Variants in GABRB3 observed in about 807,000 individuals in gnomAD.
GABRB3 encodes gamma-aminobutyric acid receptor subunit beta-3.
A neutral mutation model predicts 52.1 loss-of-function variants in GABRB3; 14 were observed. The observed-to-expected ratio is 0.27, with a 90% CI of 0.18 to 0.42. The LOEUF is 0.42. GABRB3 is among the 10% of genes least tolerant of loss of function. The pLI is 1.00. For synonymous variants in GABRB3, 260 were observed against 232.3 expected, an observed-to-expected ratio of 1.12 and a Z score of -1.08; for missense variants, 307 against 609.1, an observed-to-expected ratio of 0.50 and a Z score of 5.22.
At chr15:26,731,253 C>A (rs1369921447) in intron 3 of GABRB3, among the ~76,000 whole-genome samples, 4 of 152,110 alleles carry the variant, frequency 2.6e-5, no homozygotes, top group East Asian at 1.9e-4. Flanking sequence ...AAATAAACAT[C>A]ATGAAGAAAA....
intron 8 of GABRB3, among the ~76,000 whole-genome samples, chr15:26,556,287 T>C (rs1394549030): frequency 6.6e-6 from 1 of 152,184 alleles, no homozygotes; most frequent in Non-Finnish European, 1.5e-5. Flanking sequence ...TTTCCTAAAA[T>C]ATGTCACCAG....
intron 3 of GABRB3, among the ~76,000 whole-genome samples, chr15:26,677,297 A>G (rs1888100624): frequency 2.0e-5 from 3 of 152,252 alleles, no homozygotes. Context: ...GATTTCAAAC[A>G]TGGACTGTTT....
chr15:26,606,828 A>ATATCTATC (rs1367622796), intron 4 of GABRB3, among the ~76,000 whole-genome samples: 1 of 150,820 alleles, frequency 6.6e-6, no homozygotes, highest in East Asian at 1.9e-4. Context: ...ATAGATAGAT[A>ATATCTATC]GATAGATAGA....
At position 26,546,204 on chromosome 15, in the gene GABRB3, C is replaced by G. The variant is rs1338187042; in HGVS notation, c.*1589G>C. On this transcript the variant is annotated 3_prime_UTR_variant, in exon 9 of 9. Coordinates refer to ENST00000311550, the MANE Select transcript of GABRB3 (RefSeq NM_000814.6). ...AAATTTTGCTTTTTATTTTTTTCTC[C>G]AAATGCTCAACTTCACTGTGACACC... The G allele has an allele frequency of 6.6e-6, 1 of 152,428 alleles. No homozygotes were observed. The highest frequency in any genetic ancestry group is 1.5e-5 in the Non-Finnish European group (1 of 67,990). 9.4% of individuals were successfully genotyped at this position (152,428 alleles called of 1,614,324 possible).
intron 3 of GABRB3, among the ~76,000 whole-genome samples, chr15:26,644,450 A>G (rs567596908): frequency 1.3e-5 from 2 of 152,310 alleles, no homozygotes; most frequent in Admixed American, 1.3e-4. Context: ...CTCGTGAAGG[A>G]GGAGGCAGAG....
At chr15:26,667,879 G>A (rs1887765513) in intron 3 of GABRB3, among the ~76,000 whole-genome samples, 1 of 152,182 alleles carries the variant, frequency 6.6e-6, no homozygotes, top group Non-Finnish European at 1.5e-5. Flanking sequence ...CCCGTATGAA[G>A]TAGGAAGTCC....
intron 3 of GABRB3, among the ~76,000 whole-genome samples, chr15:26,706,701 C>G (rs991400463): frequency 2.0e-5 from 3 of 152,142 alleles, no homozygotes; most frequent in African/African-American, 4.8e-5. Flanking sequence ...ATGAGTGAAG[C>G]AGAGTCATCA....
intron 8 of GABRB3, chr15:26,553,494 C>G (rs367772792): frequency 6.6e-6 from 1 of 152,048 alleles, no homozygotes; most frequent in Non-Finnish European, 1.5e-5. Flanking sequence ...TTGGGAATTA[C>G]GATATCAGAA....
intron 3 of GABRB3, among the ~76,000 whole-genome samples, chr15:26,697,998 C>G (rs1049537918): frequency 1.8e-4 from 27 of 152,238 alleles, no homozygotes; most frequent in Admixed American, 1.6e-3. Context: ...CCTCCCTCAT[C>G]ATCTTAGAGC....
chr15:26,716,347 A>G (rs186325824), intron 3 of GABRB3, among the ~76,000 whole-genome samples: 22 of 152,276 alleles, frequency 1.4e-4, no homozygotes, highest in Admixed American at 9.8e-4. Context: ...TGCTGCATTC[A>G]TATTTATAGA....
intron 3 of GABRB3, among the ~76,000 whole-genome samples, chr15:26,707,540 T>C (rs572314119): frequency 2.0e-5 from 3 of 152,248 alleles, no homozygotes; most frequent in African/African-American, 4.8e-5. Flanking sequence ...CCATAGGTCA[T>C]GGAAAAAGAG....
chr15:26,694,389 C>A (rs1427738393), intron 3 of GABRB3, among the ~76,000 whole-genome samples: 1 of 152,166 alleles, frequency 6.6e-6, no homozygotes, highest in Non-Finnish European at 1.5e-5. Context: ...ACCATGACCC[C>A]AACAGGGCTC....
At chr15:26,765,889 G>A (rs950805344) in intron 3 of GABRB3, among the ~76,000 whole-genome samples, 1 of 152,176 alleles carries the variant, frequency 6.6e-6, no homozygotes, top group Non-Finnish European at 1.5e-5. Flanking sequence ...TTGTTGTCCT[G>A]TAGCTTGATG....
intron 8 of GABRB3, among the ~76,000 whole-genome samples, chr15:26,552,853 T>G (rs2140656702): frequency 6.6e-6 from 1 of 152,074 alleles, no homozygotes; most frequent in Non-Finnish European, 1.5e-5. Context: ...GGGAGGGGGG[T>G]TCAACCAATG....
intron 3 of GABRB3, among the ~76,000 whole-genome samples, chr15:26,695,890 C>T (rs6576593): frequency 0.11 from 16,465 of 152,114 alleles, 1,412 homozygotes; most frequent in East Asian, 0.42. Context: ...TCCAAGGAAA[C>T]TGTATCTTCA....
At position 26,765,956 on chromosome 15, in the gene GABRB3, A is replaced by G. The variant is rs57294806; in HGVS notation, c.240+6446T>C. On this transcript the variant is annotated intron_variant, in intron 3 of 8. Transcript: ENST00000311550. Reference sequence around the variant, plus strand: ...CCCAGCTTTGTCCTGCAGTAAGAGTAAGAAAGTCGGTGCTATTTCTGAGCC... The same window carrying G: ...CCCAGCTTTGTCCTGCAGTAAGAGTGAGAAAGTCGGTGCTATTTCTGAGCC... Among the ~76,000 whole-genome samples, 305 of 152,286 alleles carry G rather than the reference A, an allele frequency of 2.0e-3. 1 individual carries two copies. Among genetic ancestry groups the G allele is most frequent in the African/African-American group, 6.5e-3 (268 of 41,540 alleles).
intron 4 of GABRB3, among the ~76,000 whole-genome samples, chr15:26,599,230 A>G (rs1471988457): frequency 6.6e-6 from 1 of 152,224 alleles, no homozygotes; most frequent in Non-Finnish European, 1.5e-5. Flanking sequence ...CCCACCTGGT[A>G]AGGAAACTTC....
At chr15:26,717,246 C>A (rs994450518) in intron 3 of GABRB3, among the ~76,000 whole-genome samples, 2 of 149,586 alleles carry the variant, frequency 1.3e-5, no homozygotes, top group Non-Finnish European at 3.0e-5. Context: ...GGGACCTCCA[C>A]CCTATGACAG....
chr15:26,698,215 G>T (rs2140675777), intron 3 of GABRB3, among the ~76,000 whole-genome samples: 1 of 152,332 alleles, frequency 6.6e-6, no homozygotes, highest in Admixed American at 6.5e-5. Context: ...AACGTCATTA[G>T]CCTCTTTGCC....
Sources: gnomAD v4.1 joint callset for allele counts (sites outside exome capture counted in the v4.1 genomes callset) on GRCh38, gnomAD v4.1.1 for gene constraint, MANE v1.5 for transcripts, NCBI Gene and HGNC (gene_info 2026-07-23, HGNC 2026-07-21) for gene names.